DNAAF9: variants seen among roughly 807,000 people sequenced by gnomAD.
DNAAF9 encodes dynein axonemal assembly factor 9, also known as shulin.
A neutral mutation model predicts 167.0 loss-of-function variants in DNAAF9; 90 were observed. The observed-to-expected ratio is 0.54, with a 90% CI of 0.45 to 0.64. The LOEUF (loss-of-function observed/expected upper bound fraction) is 0.64. Among genes scored for constraint, DNAAF9 ranks in the 30% least tolerant of loss-of-function variants. The pLI, the probability that DNAAF9 is intolerant of heterozygous loss-of-function variation, is 0.00. For synonymous variants in DNAAF9, 491 were observed against 508.8 expected (o/e 0.96, Z 0.47); for missense variants, 1,315 against 1,442.2 (o/e 0.91, Z 1.43).
chr20:3,359,491 TAA>T, intron 7 of DNAAF9, 23 bp downstream of exon 7: 2 of 1,500,410 alleles, frequency 1.3e-6, no homozygotes, highest in Non-Finnish European at 1.8e-6. Flanking sequence ...TACTAATATT[TAA>T]AAGTTACTGT....
intron 3 of DNAAF9, among the ~76,000 whole-genome samples, chr20:3,378,936 T>C (rs1485090870): frequency 6.6e-6 from 1 of 151,628 alleles, no homozygotes; most frequent in Non-Finnish European, 1.5e-5. Context: ...ATTGACTCTT[T>C]AGGTAAGCAC....
chr20:3,376,715 T>G lies in DNAAF9; in HGVS notation c.284-413A>C, dbSNP rs138502204. 2.6e-3 allele frequency among the ~76,000 whole-genome samples: 398 copies of G among 152,328 alleles called. 4 individuals are homozygous for G. The highest frequency in any genetic ancestry group is 0.017 in the East Asian group (90 of 5,184). Reference sequence around the variant, plus strand: ...GGTCCTTTCGTGTCATATAGGTGGATTCAAAGATTTTCTGACTGGCAATTG... The same window carrying G: ...GGTCCTTTCGTGTCATATAGGTGGAGTCAAAGATTTTCTGACTGGCAATTG... On this transcript the variant is annotated intron_variant, in intron 3 of 36. Coordinates refer to ENST00000252032, the MANE Select transcript of DNAAF9 (RefSeq NM_001009984.3).
chr20:3,283,619 CACG>C (rs2068799543), intron 27 of DNAAF9, among the ~76,000 whole-genome samples: 1 of 152,254 alleles, frequency 6.6e-6, no homozygotes, highest in African/African-American at 2.4e-5. Context: ...CATAGAGAAG[CACG>C]CCTGGTAAGC....
At chr20:3,356,598 C>CT (rs1048253314) in intron 7 of DNAAF9, among the ~76,000 whole-genome samples, 8 of 151,868 alleles carry the variant, frequency 5.3e-5, no homozygotes, top group African/African-American at 1.9e-4. Context: ...TGCTTTTTCC[C>CT]TTTTTTTTCT....
At chr20:3,357,827 A>G (rs1181575838) in intron 7 of DNAAF9, among the ~76,000 whole-genome samples, 2 of 151,604 alleles carry the variant, frequency 1.3e-5, no homozygotes, top group African/African-American at 4.8e-5. Flanking sequence ...TGGGCAACAC[A>G]GCAAGACCTG....
chr20:3,364,170 T>G (rs575636489), intron 6 of DNAAF9, among the ~76,000 whole-genome samples: 1 of 152,294 alleles, frequency 6.6e-6, no homozygotes, highest in South Asian at 2.1e-4. Flanking sequence ...TGAAATGCAG[T>G]TGTAACAACT....
At chr20:3,378,002 T>C (rs539458661) in intron 3 of DNAAF9, among the ~76,000 whole-genome samples, 59 of 152,342 alleles carry the variant, frequency 3.9e-4, no homozygotes, top group African/African-American at 1.4e-3. Context: ...AAGAATTTCC[T>C]AGTCCCCAAA....
intron 30 of DNAAF9, among the ~76,000 whole-genome samples, chr20:3,268,972 T>C (rs1392574183): frequency 7.0e-6 from 1 of 143,852 alleles, no homozygotes; most frequent in Non-Finnish European, 1.5e-5. Flanking sequence ...GGTGCGGTCT[T>C]GGCTCACTGC....
At chr20:3,376,828 G>C (rs898327826) in intron 3 of DNAAF9, among the ~76,000 whole-genome samples, 2 of 152,222 alleles carry the variant, frequency 1.3e-5, no homozygotes, top group African/African-American at 4.8e-5. Context: ...ACTTTGGGAG[G>C]CTGAGGCGGA....
intron 8 of DNAAF9, 31 bp from the exon 9 acceptor site, chr20:3,343,762 G>A (rs1260995674): frequency 1.3e-6 from 2 of 1,560,066 alleles, no homozygotes; most frequent in African/African-American, 1.4e-5. Flanking sequence ...TATATATTAA[G>A]AACACAATTT....
chr20:3,308,369 G>A (rs1176122898), intron 20 of DNAAF9, among the ~76,000 whole-genome samples: 1 of 133,332 alleles, frequency 7.5e-6, no homozygotes, highest in African/African-American at 2.8e-5. Flanking sequence ...TTGAGATGGA[G>A]TCTCACTCTG....
chr20:3,317,698 G>C (rs971522366), intron 17 of DNAAF9, among the ~76,000 whole-genome samples: 1 of 152,014 alleles, frequency 6.6e-6, no homozygotes, highest in African/African-American at 2.4e-5. Context: ...CTAGGTTCAA[G>C]TGATTCTCCT....
intron 31 of DNAAF9, among the ~76,000 whole-genome samples, chr20:3,263,770 T>C (rs926961500): frequency 2.6e-5 from 4 of 152,242 alleles, no homozygotes; most frequent in Admixed American, 6.5e-5. Flanking sequence ...TATGAAGCAC[T>C]TGAAATGTGG....
intron 1 of DNAAF9, among the ~76,000 whole-genome samples, chr20:3,403,051 C>A (rs1343929592): frequency 3.9e-5 from 6 of 152,176 alleles, no homozygotes; most frequent in African/African-American, 1.2e-4. Context: ...CAGACATCTA[C>A]AGGTCCCTAG....
intron 16 of DNAAF9, among the ~76,000 whole-genome samples, chr20:3,318,626 T>A (rs2069552746): frequency 6.6e-6 from 1 of 152,214 alleles, no homozygotes; most frequent in African/African-American, 2.4e-5. Context: ...ACCCTTGGGC[T>A]ATAAGGAAAG....
intron 26 of DNAAF9, 34 bp from the exon 27 acceptor site, chr20:3,287,824 C>T: frequency 3.1e-6 from 5 of 1,600,554 alleles, no homozygotes; most frequent in African/African-American, 1.3e-5. Flanking sequence ...TGCATGGGGG[C>T]CACCTGATGG....
At chr20:3,292,801 T>C in intron 25 of DNAAF9, among the ~76,000 whole-genome samples, 1 of 148,786 alleles carries the variant, frequency 6.7e-6, no homozygotes. Flanking sequence ...GTATGGTGGC[T>C]CACGCCTGTA....
At position 3,315,890 on chromosome 20, in the gene DNAAF9, C is replaced by A; in HGVS notation, c.1540-105G>T. ...ATTTCCAGGACACTGGCTGGACAGTCCTTCCACCATGTCCATGTCCAGTGC... is the reference window on the plus strand; with the variant it reads ...ATTTCCAGGACACTGGCTGGACAGTACTTCCACCATGTCCATGTCCAGTGC... On this transcript the variant is annotated intron_variant, in intron 18 of 36. Transcript: ENST00000252032. This position sits in a 1 kb window ranked among gnomAD's most constrained non-coding sequence, Gnocchi z 4.1. The A allele has an allele frequency of 1.1e-6, 1 of 877,958 alleles. No individual in the cohort carries two copies. The highest frequency in any genetic ancestry group is 2.0e-6 in the Non-Finnish European group (1 of 512,158). 54.4% of individuals were successfully genotyped at this position (877,958 alleles called of 1,614,324 possible). A position where few individuals can be genotyped will look rare whatever the true frequency, so the allele number is the denominator to read the frequency against.
chr20:3,278,392 A>G (rs1226030867), intron 29 of DNAAF9, among the ~76,000 whole-genome samples: 1 of 152,202 alleles, frequency 6.6e-6, no homozygotes, highest in East Asian at 1.9e-4. Context: ...GCCCAGCTCA[A>G]GGAGAGGTAT....
Sources: allele counts gnomAD v4.1 joint callset (sites outside exome capture counted in the v4.1 genomes callset), GRCh38; gene constraint gnomAD v4.1.1; non-coding constraint Gnocchi (gnomAD v3.1); transcripts MANE v1.5; gene names NCBI Gene and HGNC (gene_info 2026-07-23, HGNC 2026-07-21).